LRRC43: variants seen among roughly 807,000 people sequenced by gnomAD.
The protein encoded by LRRC43 is leucine-rich repeat-containing protein 43.
A neutral mutation model predicts 64.3 loss-of-function variants in LRRC43; 62 were observed. That is an observed-to-expected ratio of 0.96 (90% CI 0.79 to 1.19). The LOEUF (loss-of-function observed/expected upper bound fraction) is 1.19. Ranked by LOEUF, LRRC43 falls within the 50% of genes most tolerant of loss-of-function variation. The pLI is 0.00. For missense variants in LRRC43, 868 were observed against 845.0 expected, an observed-to-expected ratio of 1.03 and a Z score of -0.34; for synonymous variants, 422 against 382.3, an observed-to-expected ratio of 1.10 and a Z score of -1.21.
intron 1 of LRRC43, among the ~76,000 whole-genome samples, chr12:122,175,510 T>C (rs971720153): frequency 8.6e-5 from 13 of 150,400 alleles, no homozygotes; most frequent in Non-Finnish European, 1.8e-4. Context: ...TTCTTTCTTT[T>C]TTTTTTTTTT....
chr12:122,169,095 A>C (rs976774992), intron 1 of LRRC43, among the ~76,000 whole-genome samples: 7 of 152,092 alleles, frequency 4.6e-5, no homozygotes, highest in Non-Finnish European at 1.0e-4. Context: ...GGTGTCTGAG[A>C]TGCATCTCCC....
At chr12:122,179,839 C>T (rs553076941), upstream of LRRC43, among the ~76,000 whole-genome samples, 3 of 151,844 alleles carry the variant, frequency 2.0e-5, no homozygotes, top group East Asian at 1.9e-4. Flanking sequence ...GGTGTGGTGG[C>T]GCGTGTCTGT....
In LRRC43 at chr12:122,200,265, A is replaced by G. The variant is rs1225478348; in HGVS notation, c.1426A>G (p.Arg476Gly). Residue 476 changes from arginine to glycine, a missense_variant, in exon 8 of 12, where the codon AGG becomes GGG. Coordinates refer to ENST00000339777, the MANE Select transcript of LRRC43 (RefSeq NM_001098519.2). The surrounding 1 kb of genome is among the most constrained non-coding windows in gnomAD (Gnocchi z 4.6). ...PCSYEMQHSL[R>G]DLVPLKAFLL... The stretch of plus-strand genomic sequence containing the variant: ...CAGTTACGAGATGCAGCACTCTCTC[A>G]GGGACCTGGTCCCACTGAAGGCCTT... 4.3e-6 allele frequency: 7 copies of G among 1,613,596 alleles called. No homozygotes were observed. The highest frequency in any genetic ancestry group is 5.9e-6 in the Non-Finnish European group (7 of 1,179,978).
chr12:122,186,197 TG>T lies in LRRC43; in HGVS notation c.421del (p.Val141TrpfsTer6). ...SLRVIDKKVT[L>X]VDKDLLKFLK... ...TCCTCTCCCCTCTTCCAGGTCACCCTGGTGGATAAAGACCTCCTGAAATTTC... is the reference window on the plus strand; with the variant it reads ...TCCTCTCCCCTCTTCCAGGTCACCCTGTGGATAAAGACCTCCTGAAATTTC... On this transcript the variant is annotated frameshift_variant, in exon 3 of 12. Transcript: ENST00000339777. LOFTEE classifies it high-confidence loss of function. 1 of 1,589,080 alleles carries T rather than the reference TG, an allele frequency of 6.3e-7. No homozygotes were observed. The highest frequency in any genetic ancestry group is 1.2e-5 in the South Asian group (1 of 86,866).
chr12:122,194,329 T>G (rs1372190985), intron 7 of LRRC43, among the ~76,000 whole-genome samples: 1 of 151,248 alleles, frequency 6.6e-6, no homozygotes, highest in African/African-American at 2.4e-5. Context: ...CCCAGCACTT[T>G]GGGAGGCTGA....
rs776386897 is a variant in LRRC43, at chr12:122,190,351, G to A, written c.884G>A (p.Gly295Glu). ...VSPNEKHLFR[G>E]LSLNGDLLAQ... ...CCCAATGAGAAGCATCTCTTCCGGGGGCTCAGCCTCAATGGCGGTGAGGGT... is the reference window on the plus strand; with the variant it reads ...CCCAATGAGAAGCATCTCTTCCGGGAGCTCAGCCTCAATGGCGGTGAGGGT... Residue 295 changes from glycine (G) to glutamate (E), a missense_variant, in exon 5 of 12, where the codon GGG becomes GAG. Coordinates refer to ENST00000339777, the MANE Select transcript of LRRC43 (RefSeq NM_001098519.2). The A allele has an allele frequency of 6.2e-7, 1 of 1,613,860 alleles. No individual in the cohort carries two copies. Among genetic ancestry groups the A allele is most frequent in the Non-Finnish European group, 8.5e-7 (1 of 1,179,806 alleles).
chr12:122,188,527 A>T (rs1247064647), intron 4 of LRRC43, among the ~76,000 whole-genome samples: 1 of 137,408 alleles, frequency 7.3e-6, no homozygotes, highest in Non-Finnish European at 1.6e-5. Context: ...TGCAACCTCC[A>T]CCTCCCAGGG....
chr12:122,198,741 TGCC>T (rs1377776284), intron 7 of LRRC43, among the ~76,000 whole-genome samples: 1 of 137,128 alleles, frequency 7.3e-6, no homozygotes, highest in African/African-American at 2.7e-5. Context: ...GTGATTCTCC[TGCC>T]TCAGCTTCCC....
At position 122,200,913 on chromosome 12, in the gene LRRC43, T is replaced by C. The variant is rs1953831325; in HGVS notation, c.1788T>C (p.Ser596=). 2.5e-6 allele frequency: 4 copies of C among 1,605,760 alleles called. No homozygotes were observed. In the African/African-American group the frequency reaches 4.0e-5, roughly 16 times the overall value. ...TCGGCGTGGTCCGCACATTGACATC[T>C]GACAGGCTGACGTTGGCCAGGGTAC... ...CNFGVVRTLT[S]DRLTLARDSK... The change falls in exon 10 of 12, where the codon TCT becomes TCC. Residue 596 remains serine, a synonymous_variant. Transcript: ENST00000339777. This position sits in a 1 kb window ranked among gnomAD's most constrained non-coding sequence, Gnocchi z 4.6.
Position 122,200,573 on chromosome 12 carries a change from C to T in LRRC43, c.1533C>T (p.Pro511=), listed in dbSNP as rs200337479. ...WPVVLPAVDS[P]LSAKKGKGEK... is the part of the protein sequence containing the mutation. ...TGGTGCTACCTGCTGTTGACAGTCCCCTGTCTGCCAAGAAAGGAAAGGGGG... is the reference window on the plus strand; with the variant it reads ...TGGTGCTACCTGCTGTTGACAGTCCTCTGTCTGCCAAGAAAGGAAAGGGGG... The change falls in exon 9 of 12, where the codon CCC becomes CCT. Residue 511 remains proline, a synonymous_variant. Coordinates refer to ENST00000339777, the MANE Select transcript of LRRC43 (RefSeq NM_001098519.2). This position sits in a 1 kb window ranked among gnomAD's most constrained non-coding sequence, Gnocchi z 4.6. 3.6e-4 allele frequency: 560 copies of T among 1,554,308 alleles called. 1 individual carries two copies. In the African/African-American group the frequency reaches 6.5e-3, roughly 18 times the overall value.
At chr12:122,197,738 A>G (rs984882509) in intron 7 of LRRC43, among the ~76,000 whole-genome samples, 3 of 152,028 alleles carry the variant, frequency 2.0e-5, no homozygotes, top group African/African-American at 7.2e-5. Flanking sequence ...GAAGTTTTCA[A>G]GCAGAGGAGT....
At chr12:122,194,669 C>A (rs149367370) in intron 7 of LRRC43, among the ~76,000 whole-genome samples, 1 of 151,990 alleles carries the variant, frequency 6.6e-6, no homozygotes, top group African/African-American at 2.4e-5. Context: ...TGGGGTCTCT[C>A]GATGTTGACC....
chr12:122,177,479 G>A (rs1368720885), intron 1 of LRRC43, among the ~76,000 whole-genome samples: 1 of 13,118 alleles, frequency 7.6e-5, no homozygotes, highest in Non-Finnish European at 2.1e-4. Context: ...GAGAGAAAGT[G>A]TGTGTGTGTG....
At chr12:122,182,015 G>A (rs751372746), upstream of LRRC43, among the ~76,000 whole-genome samples, 65 of 152,144 alleles carry the variant, frequency 4.3e-4, 1 homozygote, top group Non-Finnish European at 7.2e-4. Flanking sequence ...TGCCCAGTGT[G>A]ATAGTATTAA....
intron 7 of LRRC43, among the ~76,000 whole-genome samples, chr12:122,197,608 G>A (rs1210421929): frequency 1.3e-5 from 2 of 152,082 alleles, no homozygotes; most frequent in Non-Finnish European, 2.9e-5. Flanking sequence ...CATTTAAACT[G>A]TTTCTCACAG....
chr12:122,171,385 T>C (rs1406201739), intron 1 of LRRC43, among the ~76,000 whole-genome samples: 1 of 152,250 alleles, frequency 6.6e-6, no homozygotes, highest in African/African-American at 2.4e-5. Context: ...GAGTGTTTAT[T>C]GCTGCTGAGG....
intron 7 of LRRC43, among the ~76,000 whole-genome samples, chr12:122,199,278 CTTTTTTTTTTTTTT>C (rs1165454881): frequency 1.2e-5 from 1 of 86,154 alleles, no homozygotes; most frequent in African/African-American, 5.6e-5. Flanking sequence ...ATTGTTTCAG[CTTTTTTTTTTTTTT>C]TTTTTTTTGA....
At chr12:122,189,943 A>G in intron 4 of LRRC43, 187 bp from the exon 5 acceptor site, 1 of 663,596 alleles carries the variant, frequency 1.5e-6, no homozygotes, top group Admixed American at 2.2e-5. Context: ...TGCTACGGAG[A>G]GTGGAGATGA....
intron 1 of LRRC43, among the ~76,000 whole-genome samples, chr12:122,170,774 C>T (rs796815908): frequency 1.1e-4 from 16 of 152,150 alleles, no homozygotes; most frequent in African/African-American, 2.6e-4. Context: ...CACACCTCTT[C>T]GGTCCTCAGT....
Sources: allele counts gnomAD v4.1 joint callset (sites outside exome capture counted in the v4.1 genomes callset), GRCh38; gene constraint gnomAD v4.1.1; non-coding constraint Gnocchi (gnomAD v3.1); transcripts MANE v1.5; gene names NCBI Gene and HGNC (gene_info 2026-07-23, HGNC 2026-07-21).